The following BCAR3 variants were observed in gnomAD, a reference collection of about 807,000 sequenced individuals.
BCAR3 encodes the protein BCAR3 adaptor protein, NSP family member.
A neutral mutation model predicts 80.1 loss-of-function variants in BCAR3; 37 were observed. The observed-to-expected ratio is 0.46, with a 90% CI of 0.36 to 0.61. The LOEUF (loss-of-function observed/expected upper bound fraction) is 0.61. BCAR3 is among the 20% of genes least tolerant of loss of function. BCAR3 has a pLI of 0.00. For synonymous variants in BCAR3, 389 were observed against 418.9 expected (o/e 0.93, Z 0.87); for missense variants, 978 against 1,068.2 (o/e 0.92, Z 1.18).
intron 3 of BCAR3, among the ~76,000 whole-genome samples, chr1:93,620,585 T>C (rs940179183): frequency 2.6e-5 from 4 of 152,090 alleles, no homozygotes; most frequent in Admixed American, 6.5e-5. Flanking sequence ...ACCAAGCTAG[T>C]TGCAGAATTG....
intron 2 of BCAR3, among the ~76,000 whole-genome samples, chr1:93,785,430 G>T (rs1041195998): frequency 6.6e-6 from 1 of 152,214 alleles, no homozygotes; most frequent in African/African-American, 2.4e-5. Context: ...TAGGAGGAAA[G>T]CTTGGCCTAG....
At position 93,582,953 on chromosome 1, in the gene BCAR3, C is replaced by T. The variant is rs781319547; in HGVS notation, c.1034G>A (p.Gly345Asp). ...AHQSESYLPI[G>D]CKLPPQSSGV... ...CGAGGACTGAGGTGGCAGCTTGCAG[C>T]CTGTGGGGGATAAGAAAAGGTCAGA... Residue 345 changes from glycine to aspartate, a missense_variant and splice_region_variant, in exon 7 of 12, where the codon GGC becomes GAC. Coordinates refer to ENST00000260502, the MANE Select transcript of BCAR3 (RefSeq NM_003567.4). The T allele has an allele frequency of 1.9e-6, 3 of 1,580,004 alleles. No individual in the cohort carries two copies. Among genetic ancestry groups the T allele is most frequent in the South Asian group, 2.2e-5 (2 of 89,306 alleles).
chr1:93,772,284 T>C (rs536307945), intron 2 of BCAR3, among the ~76,000 whole-genome samples: 2 of 152,148 alleles, frequency 1.3e-5, no homozygotes, highest in Admixed American at 6.5e-5. Flanking sequence ...GGAGAGAGGA[T>C]TGGAGGCAAA....
intron 2 of BCAR3, among the ~76,000 whole-genome samples, chr1:93,736,364 T>C (rs983390712): frequency 6.6e-6 from 1 of 152,196 alleles, no homozygotes; most frequent in African/African-American, 2.4e-5. Flanking sequence ...ATTTTTTGTA[T>C]TTTTAGTAGA....
chr1:93,622,553 T>C (rs1169166056), intron 3 of BCAR3, among the ~76,000 whole-genome samples: 1 of 152,146 alleles, frequency 6.6e-6, no homozygotes, highest in African/African-American at 2.4e-5. Context: ...GAGAGATGGA[T>C]GCTGACATCA....
chr1:93,616,666 G>A (rs569481172), intron 3 of BCAR3, among the ~76,000 whole-genome samples: 13 of 152,300 alleles, frequency 8.5e-5, no homozygotes, highest in African/African-American at 2.9e-4. Flanking sequence ...TGTGACCTGG[G>A]GCAGTGGGCC....
At chr1:93,677,288 T>A (rs1360606223) in intron 1 of BCAR3, among the ~76,000 whole-genome samples, 2 of 152,170 alleles carry the variant, frequency 1.3e-5, no homozygotes, top group African/African-American at 2.4e-5. Context: ...CATAAAGGCA[T>A]GGAAGTGACC....
rs1204595431 is a variant in BCAR3, at chr1:93,679,432, T to TGGACAC, written c.-12+2160_-12+2165dup. 1.2e-4 allele frequency among the ~76,000 whole-genome samples: 19 copies of TGGACAC among 152,236 alleles called. No homozygotes were observed. The South Asian group carries it at 3.5e-3, about 28-fold the overall frequency. ...CAAAGACACCAAGCCAAGTAGGACA[T>TGGACAC]GGACACGGACACAGACACAGACACA... On this transcript the variant is annotated intron_variant, in intron 1 of 11. Coordinates refer to ENST00000260502, the MANE Select transcript of BCAR3 (RefSeq NM_003567.4).
At chr1:93,639,123 C>T (rs1675897112) in intron 3 of BCAR3, among the ~76,000 whole-genome samples, 1 of 152,180 alleles carries the variant, frequency 6.6e-6, no homozygotes, top group Non-Finnish European at 1.5e-5. Flanking sequence ...GGCTTCCCAG[C>T]CATGCATATT....
chr1:93,648,193 T>C (rs761265937), intron 2 of BCAR3, among the ~76,000 whole-genome samples: 1 of 152,160 alleles, frequency 6.6e-6, no homozygotes, highest in Non-Finnish European at 1.5e-5. Flanking sequence ...TGACTCAAAT[T>C]AGGGAAAATT....
rs956445936 is a variant in BCAR3 at position 93,679,378 on chromosome 1, G to A, written c.-12+2220C>T. On this transcript the variant is annotated intron_variant, in intron 1 of 11. Coordinates refer to ENST00000260502, the MANE Select transcript of BCAR3 (RefSeq NM_003567.4). Reference sequence around the variant, plus strand: ...GACTGCAACTGGGAAGGATGGGGAGGGAAACGTTTTAACCTAGAACAATAG... The same window carrying A: ...GACTGCAACTGGGAAGGATGGGGAGAGAAACGTTTTAACCTAGAACAATAG... Among the ~76,000 whole-genome samples, 4 of 152,060 alleles carry A rather than the reference G, an allele frequency of 2.6e-5. No individual in the cohort carries two copies. In the East Asian group the frequency reaches 5.8e-4, roughly 22 times the overall value.
intron 3 of BCAR3, among the ~76,000 whole-genome samples, chr1:93,638,895 G>GA (rs902604522): frequency 1.6e-4 from 25 of 151,716 alleles, no homozygotes; most frequent in African/African-American, 2.7e-4. Context: ...GGAAAAATGT[G>GA]AAAAAAAACA....
intron 2 of BCAR3, among the ~76,000 whole-genome samples, chr1:93,751,432 G>A (rs1368032925): frequency 2.0e-5 from 3 of 152,062 alleles, no homozygotes; most frequent in African/African-American, 7.2e-5. Flanking sequence ...TGAAGCCTCT[G>A]CATTTTCTGA....
chr1:93,755,787 G>T (rs1274814085), intron 2 of BCAR3, among the ~76,000 whole-genome samples: 1 of 152,212 alleles, frequency 6.6e-6, no homozygotes, highest in Non-Finnish European at 1.5e-5. Context: ...GTGTGCATGT[G>T]TGTGCGTGCA....
At chr1:93,800,761 C>T (rs1047422259) in intron 2 of BCAR3, among the ~76,000 whole-genome samples, 1 of 151,996 alleles carries the variant, frequency 6.6e-6, no homozygotes, top group Non-Finnish European at 1.5e-5. Context: ...GAAGTATGAG[C>T]ACTATAAAGT....
intron 2 of BCAR3, among the ~76,000 whole-genome samples, chr1:93,813,412 G>A (rs897253395): frequency 6.6e-6 from 1 of 152,118 alleles, no homozygotes; most frequent in Non-Finnish European, 1.5e-5. Context: ...CTCAAATCGG[G>A]TGTGGCTACC....
At chr1:93,786,173 T>A (rs1323672893) in intron 2 of BCAR3, among the ~76,000 whole-genome samples, 10 of 117,058 alleles carry the variant, frequency 8.5e-5, no homozygotes, top group Admixed American at 8.5e-4. Context: ...CGCCTGGGCG[T>A]CAGAGCGAGA....
At chr1:93,845,452 C>A (rs1655119738) in intron 2 of BCAR3, 1 of 122,852 alleles carries the variant, frequency 8.1e-6, no homozygotes, top group South Asian at 2.5e-4. Context: ...ATTAAAGGGG[C>A]ATAACAATTT....
At chr1:93,843,614 CT>C (rs1169624097) in intron 2 of BCAR3, among the ~76,000 whole-genome samples, 5 of 152,116 alleles carry the variant, frequency 3.3e-5, no homozygotes, top group African/African-American at 9.7e-5. Flanking sequence ...AAATCTCACC[CT>C]TTAAAAATTC....
Sources: gnomAD v4.1 joint callset for allele counts (sites outside exome capture counted in the v4.1 genomes callset) on GRCh38, gnomAD v4.1.1 for gene constraint, MANE v1.5 for transcripts, NCBI Gene and HGNC (gene_info 2026-07-23, HGNC 2026-07-21) for gene names.